BBX: variants seen among roughly 807,000 people sequenced by gnomAD.
BBX encodes the protein HMG box transcription factor BBX.
A neutral mutation model predicts 100.2 loss-of-function variants in BBX; 30 were observed. The observed-to-expected ratio is 0.30, with a 90% CI of 0.22 to 0.41. BBX has a LOEUF of 0.41. Among genes scored for constraint, BBX ranks in the 10% least tolerant of loss-of-function variants. BBX has a pLI of 1.00. For synonymous variants in BBX, 376 were observed against 388.1 expected (o/e 0.97, Z 0.37); for missense variants, 1,023 against 1,129.8 (o/e 0.91, Z 1.35).
intron 2 of BBX, among the ~76,000 whole-genome samples, chr3:107,623,467 T>G (rs62261982): frequency 0.12 from 18,040 of 152,202 alleles, 1,295 homozygotes; most frequent in Middle Eastern, 0.19. Flanking sequence ...AGCTGCCACA[T>G]GCATCTTGTC....
At chr3:107,575,779 A>T (rs1019836788) in intron 2 of BBX, among the ~76,000 whole-genome samples, 14 of 152,190 alleles carry the variant, frequency 9.2e-5, no homozygotes, top group South Asian at 2.1e-4. Context: ...CAAAAGTTTT[A>T]GTAAATAGCA....
intron 3 of BBX, among the ~76,000 whole-genome samples, chr3:107,648,114 A>G (rs868028809): frequency 2.5e-4 from 38 of 152,184 alleles, no homozygotes; most frequent in South Asian, 4.1e-4. Context: ...GCTTTTTTAG[A>G]GACAGAATGC....
At position 107,773,495 on chromosome 3, in the gene BBX, G is replaced by A. The variant is rs377165584; in HGVS notation, c.1774G>A (p.Ala592Thr). 9.9e-6 allele frequency: 16 copies of A among 1,613,966 alleles called. No homozygotes were observed. The African/African-American group carries it at 2.1e-4, about 22-fold the overall frequency. ...ACTACCACCCAGCCTATCAGGACAG[G>A]CCAAGCCTGAGGACAGTGACTGTCA... ...DALPPSLSGQ[A>T]KPEDSDCHRK... is the part of the protein sequence containing the mutation. The change falls in exon 11 of 18, where the codon GCC becomes ACC. Residue 592 changes from alanine (A) to threonine (T), a missense_variant. Around this residue, in one of 9 missense-constraint regions of BBX, gnomAD observed 348 missense variants for 353.2 expected, o/e 0.99. Transcript: ENST00000325805. The surrounding 1 kb of genome is among the most constrained non-coding windows in gnomAD (Gnocchi z 4.1).
intron 2 of BBX, among the ~76,000 whole-genome samples, chr3:107,547,531 A>C (rs2049327209): frequency 6.6e-6 from 1 of 152,156 alleles, no homozygotes; most frequent in African/African-American, 2.4e-5. Context: ...GATTCCCATG[A>C]AACCTATCCC....
rs565793143 is a variant in BBX at position 107,576,391 on chromosome 3, A to T, written c.-84+49993A>T. On this transcript the variant is annotated intron_variant, in intron 2 of 17. Transcript: ENST00000325805. ...ACTACTTATATTTTGTTGAATGAAT[A>T]ACTGGCTTTTTTTTCTTTTAGCTGG... Among the ~76,000 whole-genome samples the T allele has an allele frequency of 2.5e-3, 382 of 152,320 alleles. 2 individuals carry two copies. Among genetic ancestry groups the T allele is most frequent in the Non-Finnish European group, 4.3e-3 (294 of 68,024 alleles).
chr3:107,646,442 T>C (rs1308000627), intron 3 of BBX, among the ~76,000 whole-genome samples: 1 of 152,174 alleles, frequency 6.6e-6, no homozygotes, highest in African/African-American at 2.4e-5. Flanking sequence ...TGTGCCAAAT[T>C]ATATAAAACT....
intron 2 of BBX, among the ~76,000 whole-genome samples, chr3:107,642,283 G>A (rs2057259244): frequency 6.6e-6 from 1 of 152,188 alleles, no homozygotes; most frequent in South Asian, 2.1e-4. Context: ...ATATTACATG[G>A]AGGTAAAAGC....
chr3:107,719,792 T>G (rs1478431380), intron 5 of BBX, among the ~76,000 whole-genome samples: 2 of 152,098 alleles, frequency 1.3e-5, no homozygotes, highest in African/African-American at 4.8e-5. Context: ...ATTATATCTT[T>G]CCTTTTAACA....
intron 7 of BBX, among the ~76,000 whole-genome samples, chr3:107,740,221 G>A (rs2063972467): frequency 6.6e-6 from 1 of 151,858 alleles, no homozygotes; most frequent in African/African-American, 2.4e-5. Context: ...ACTCTCAGAT[G>A]GAATCCTCTA....
At chr3:107,697,507 T>C (rs1229696668) in intron 3 of BBX, among the ~76,000 whole-genome samples, 1 of 151,892 alleles carries the variant, frequency 6.6e-6, no homozygotes. Context: ...GTTAGGCTGC[T>C]CGGGGGTCAG....
At chr3:107,715,142 G>T (rs1371122952) in intron 4 of BBX, among the ~76,000 whole-genome samples, 1 of 152,168 alleles carries the variant, frequency 6.6e-6, no homozygotes, top group Non-Finnish European at 1.5e-5. Flanking sequence ...GTATCTGCTT[G>T]TAACAATTGC....
At chr3:107,720,811 A>G (rs1007207958) in intron 5 of BBX, among the ~76,000 whole-genome samples, 2 of 151,914 alleles carry the variant, frequency 1.3e-5, no homozygotes, top group Non-Finnish European at 2.9e-5. Context: ...AAATGAATCT[A>G]TTTTTGATTA....
Position 107,697,951 on chromosome 3 carries a change from C to T in BBX, c.-9-12501C>T, listed in dbSNP as rs566403123. 3.9e-4 allele frequency among the ~76,000 whole-genome samples: 59 copies of T among 151,990 alleles called. 2 individuals carry two copies. The highest frequency in any genetic ancestry group is 1.3e-3 in the African/African-American group (53 of 41,264). Reference sequence around the variant, plus strand: ...AAGCGCAGTATTCGGGTGGGAGTGACCCGATTTTCCAGGGGCCGTCTGTCA... The same window carrying T: ...AAGCGCAGTATTCGGGTGGGAGTGATCCGATTTTCCAGGGGCCGTCTGTCA... On this transcript the variant is annotated intron_variant, in intron 3 of 17. Coordinates refer to ENST00000325805, the MANE Select transcript of BBX (RefSeq NM_001142568.3).
intron 3 of BBX, chr3:107,646,221 T>G (rs1413820441): frequency 6.6e-6 from 1 of 152,158 alleles, no homozygotes; most frequent in Non-Finnish European, 1.5e-5. Flanking sequence ...AGAGGTTATA[T>G]ACCTAAATAG....
intron 2 of BBX, among the ~76,000 whole-genome samples, chr3:107,570,518 C>T (rs571586673): frequency 1.6e-4 from 24 of 152,028 alleles, no homozygotes; most frequent in South Asian, 1.5e-3. Context: ...TGGGAGAGGT[C>T]GGATAAAGAA....
rs1409748565 is a variant in BBX, at chr3:107,773,938, A to G, written c.1915+302A>G. ...GTTTGTTTTGAAAGATTATTATTAA[A>G]TATTCAGAGCTTTAGGTTTGGTTTT... On this transcript the variant is annotated intron_variant, in intron 11 of 17. Coordinates refer to ENST00000325805, the MANE Select transcript of BBX (RefSeq NM_001142568.3). This position sits in a 1 kb window ranked among gnomAD's most constrained non-coding sequence, Gnocchi z 4.1. Among the ~76,000 whole-genome samples, 32 of 152,174 alleles carry G rather than the reference A, an allele frequency of 2.1e-4. No homozygotes were observed. Among genetic ancestry groups the G allele is most frequent in the Admixed American group, 2.1e-3 (32 of 15,280 alleles).
chr3:107,562,640 G>T (rs2050590311), intron 2 of BBX, among the ~76,000 whole-genome samples: 1 of 151,814 alleles, frequency 6.6e-6, no homozygotes, highest in Admixed American at 6.6e-5. Flanking sequence ...TTTTAATTTT[G>T]GAAACTGCTT....
intron 3 of BBX, among the ~76,000 whole-genome samples, chr3:107,651,130 A>C (rs1198546731): frequency 2.6e-5 from 4 of 152,214 alleles, no homozygotes; most frequent in African/African-American, 9.7e-5. Flanking sequence ...GGGCTTCAAC[A>C]TATGAATTTG....
At chr3:107,759,049 G>A (rs750160900) in intron 10 of BBX, among the ~76,000 whole-genome samples, 2 of 152,068 alleles carry the variant, frequency 1.3e-5, no homozygotes, top group African/African-American at 2.4e-5. Flanking sequence ...TTACTGCTGT[G>A]CCCTGTACCC....
Sources: gnomAD v4.1 joint callset for allele counts (sites outside exome capture counted in the v4.1 genomes callset) on GRCh38, gnomAD v4.1.1 for gene constraint, gnomAD v4.1.1 regional missense constraint, Gnocchi (gnomAD v3.1) non-coding constraint, MANE v1.5 for transcripts, NCBI Gene and HGNC (gene_info 2026-07-23, HGNC 2026-07-21) for gene names.